The following MYO1B variants were observed in gnomAD, a reference collection of about 807,000 sequenced individuals.
MYO1B encodes myosin IB, also known as unconventional myosin-Ib.
MYO1B carries 72 observed loss-of-function variants against 159.7 expected under a neutral mutation model. The ratio of observed to expected loss-of-function variants is 0.45; its 90% CI spans 0.37 to 0.55. The LOEUF is 0.55. Among genes scored for constraint, MYO1B ranks in the 20% least tolerant of loss-of-function variants. MYO1B has a pLI of 0.00. For synonymous variants in MYO1B, 468 were observed against 473.8 expected (o/e 0.99, Z 0.16); for missense variants, 1,062 against 1,364.8 (o/e 0.78, Z 3.50).
chr2:191,335,992 G>A (rs11897799), intron 4 of MYO1B, among the ~76,000 whole-genome samples: 14,348 of 152,054 alleles, frequency 0.094, 2,216 homozygotes, highest in African/African-American at 0.33. Context: ...GTATTTTTAG[G>A]CATTGAACTC....
chr2:191,374,642 G>T (rs746428813), intron 13 of MYO1B, among the ~76,000 whole-genome samples: 3 of 152,156 alleles, frequency 2.0e-5, no homozygotes, highest in Non-Finnish European at 4.4e-5. Context: ...TGCCTGGCTG[G>T]CCACATGTGA....
In MYO1B at chr2:191,422,725, C is replaced by A. The variant is rs73057319; in HGVS notation, c.3288-1112C>A. Among the ~76,000 whole-genome samples, 1,418 of 152,222 alleles carry A rather than the reference C, an allele frequency of 9.3e-3. 25 individuals carry two copies. The highest frequency in any genetic ancestry group is 0.033 in the African/African-American group (1,351 of 41,528). The stretch of plus-strand genomic sequence containing the variant: ...AACTATGTAGGACATATGTGAGTAA[C>A]CAGTGTTTAGAAGCCATAGACTAGA... On this transcript the variant is annotated intron_variant, in intron 30 of 30. Transcript: ENST00000392318.
intron 13 of MYO1B, chr2:191,371,057 TG>T (rs1694332724): frequency 6.6e-6 from 1 of 152,244 alleles, no homozygotes. Context: ...ATTTCCTTTT[TG>T]CCCCCTTGCT....
chr2:191,424,297 G>C lies in MYO1B; in HGVS notation c.*337G>C. 1 of 218,834 alleles carries C rather than the reference G, an allele frequency of 4.6e-6. No individual in the cohort carries two copies. Among genetic ancestry groups the C allele is most frequent in the Non-Finnish European group, 9.0e-6 (1 of 110,868 alleles). 13.6% of individuals were successfully genotyped at this position (218,834 alleles called of 1,614,324 possible). A position where few individuals can be genotyped will look rare whatever the true frequency, so the allele number is the denominator to read the frequency against. ...ATAAGCATAGGAAATGGTCTTAAAAGATACTGCATTCATTCATCAGATATT... is the reference window on the plus strand; with the variant it reads ...ATAAGCATAGGAAATGGTCTTAAAACATACTGCATTCATTCATCAGATATT... On this transcript the variant is annotated 3_prime_UTR_variant, in exon 31 of 31. Coordinates refer to ENST00000392318, the MANE Select transcript of MYO1B (RefSeq NM_001130158.3).
intron 1 of MYO1B, among the ~76,000 whole-genome samples, chr2:191,271,576 A>C (rs552270606): frequency 6.6e-6 from 1 of 152,270 alleles, no homozygotes; most frequent in African/African-American, 2.4e-5. Flanking sequence ...TAATATTCTT[A>C]TTAATCATTG....
At position 191,362,617 on chromosome 2, in the gene MYO1B, T is replaced by C. The variant is rs192977213; in HGVS notation, c.765+246T>C. 1.2e-3 allele frequency among the ~76,000 whole-genome samples: 183 copies of C among 152,344 alleles called. 2 individuals are homozygous for C. Among genetic ancestry groups the C allele is most frequent in the Non-Finnish European group, 2.1e-3 (146 of 68,024 alleles). ...TTTATCATAAGGAGCTTTCTTATTCTATTATCCTGGGGTTTGACTCCTTTA... is the reference window on the plus strand; with the variant it reads ...TTTATCATAAGGAGCTTTCTTATTCCATTATCCTGGGGTTTGACTCCTTTA... On this transcript the variant is annotated intron_variant, in intron 9 of 30. Transcript: ENST00000392318.
chr2:191,390,306 A>G lies in MYO1B; in HGVS notation c.1796A>G (p.Asn599Ser), dbSNP rs373970831. Residue 599 changes from asparagine to serine, a missense_variant, in exon 18 of 31, where the codon AAT becomes AGT. This residue lies in a region of MYO1B where 609 missense variants were observed against 744.4 expected (regional missense o/e 0.82). Coordinates refer to ENST00000392318, the MANE Select transcript of MYO1B (RefSeq NM_001130158.3). ...TGATCTTTAAGGTGTATCAAACCGA[A>G]TGATAAAAAAGCAGCACACATCTTC... ...NPNYIRCIKP[N>S]DKKAAHIFNE... is the part of the protein sequence containing the mutation. 2.5e-6 allele frequency: 4 copies of G among 1,613,302 alleles called. No homozygotes were observed. The African/African-American group carries it at 5.3e-5, about 22-fold the overall frequency.
intron 5 of MYO1B, among the ~76,000 whole-genome samples, chr2:191,345,862 T>A (rs1197929712): frequency 6.6e-6 from 1 of 152,220 alleles, no homozygotes; most frequent in Non-Finnish European, 1.5e-5. Flanking sequence ...ATAAGTAATC[T>A]CTGAAATAAC....
At chr2:191,358,584 T>C (rs184370390) in intron 7 of MYO1B, among the ~76,000 whole-genome samples, 262 of 152,382 alleles carry the variant, frequency 1.7e-3, no homozygotes, top group African/African-American at 5.7e-3. Flanking sequence ...AACATTAGAC[T>C]GGCCAGTGTG....
chr2:191,411,156 G>A lies in MYO1B; in HGVS notation c.2857G>A (p.Ala953Thr). ...EASELFKDKK[A>T]LYPSSVGQPF... ...CAGTGAACTCTTCAAAGACAAGAAG[G>A]CTTTATACCCATCTAGGTATTATGG... Residue 953 changes from alanine (A) to threonine (T), a missense_variant, in exon 27 of 31, where the codon GCT becomes ACT. By Grantham distance (58) the Ala-to-Thr change is moderately conservative (BLOSUM62 0). This residue lies in a region of MYO1B where 609 missense variants were observed against 744.4 expected (regional missense o/e 0.82). Transcript: ENST00000392318. 1 of 1,598,694 alleles carries A rather than the reference G, an allele frequency of 6.3e-7. No homozygotes were observed. The highest frequency in any genetic ancestry group is 1.7e-5 in the Admixed American group (1 of 57,840).
intron 3 of MYO1B, among the ~76,000 whole-genome samples, chr2:191,298,680 G>A (rs12622194): frequency 0.53 from 80,441 of 151,952 alleles, 22,034 homozygotes; most frequent in East Asian, 0.65. Flanking sequence ...AATAATAAAA[G>A]TATTTATGGC....
intron 3 of MYO1B, among the ~76,000 whole-genome samples, chr2:191,308,391 G>A (rs1162326020): frequency 1.3e-5 from 2 of 152,168 alleles, no homozygotes; most frequent in African/African-American, 4.8e-5. Context: ...TATTGTTGGA[G>A]TTTCTGTATA....
intron 1 of MYO1B, among the ~76,000 whole-genome samples, chr2:191,259,230 C>T (rs181519157): frequency 1.7e-4 from 26 of 152,186 alleles, no homozygotes; most frequent in Admixed American, 4.6e-4. Flanking sequence ...GATCTCATGC[C>T]GTGGGCTGCA....
chr2:191,387,721 G>T, intron 17 of MYO1B: 1 of 450,180 alleles, frequency 2.2e-6, no homozygotes, highest in South Asian at 3.3e-5. Flanking sequence ...TCAACTTTCT[G>T]TATGTTTATT....
At chr2:191,417,120 GTCTAT>G (rs979502581) in intron 30 of MYO1B, among the ~76,000 whole-genome samples, 1 of 152,124 alleles carries the variant, frequency 6.6e-6, no homozygotes, top group Non-Finnish European at 1.5e-5. Context: ...GAATTTTCTA[GTCTAT>G]TCTGTTTCAA....
chr2:191,382,401 T>C (rs959220110), intron 14 of MYO1B, among the ~76,000 whole-genome samples: 1 of 152,180 alleles, frequency 6.6e-6, no homozygotes. Flanking sequence ...AAATCATAAA[T>C]ATTTCATCTT....
At position 191,400,857 on chromosome 2, in the gene MYO1B, A is replaced by G. The variant is rs776796670; in HGVS notation, c.2469+22A>G. The stretch of plus-strand genomic sequence containing the variant: ...TAAGGTACTTGATGCACATATCCCA[A>G]CACTCCATCCTGGAATTCTGCAATA... On this transcript the variant is annotated intron_variant, in intron 23 of 30. Coordinates refer to ENST00000392318, the MANE Select transcript of MYO1B (RefSeq NM_001130158.3). The G allele has an allele frequency of 6.2e-6, 10 of 1,607,404 alleles. No homozygotes were observed. In the East Asian group the frequency reaches 2.2e-4, roughly 36 times the overall value.
In MYO1B at chr2:191,364,230, T is replaced by C; in HGVS notation, c.986T>C (p.Val329Ala). The part of the protein sequence containing the change: ...VLERAFSFRT[V>A]EAKQEKVSTT... ...GAACGAGCATTCAGTTTCCGAACAG[T>C]TGAGGCCAAACAGGAGAAAGTTTCA... Residue 329 changes from valine to alanine, a missense_variant, in exon 11 of 31, where the codon GTT becomes GCT. Val to Ala is a moderately conservative substitution (Grantham distance 64). This residue lies in a region of MYO1B where 415 missense variants were observed against 544.0 expected (regional missense o/e 0.76). Transcript: ENST00000392318. 6.2e-7 allele frequency: 1 copy of C among 1,613,948 alleles called. No homozygotes were observed. Among genetic ancestry groups the C allele is most frequent in the Non-Finnish European group, 8.5e-7 (1 of 1,179,866 alleles).
chr2:191,316,737 T>C (rs1690375328), intron 3 of MYO1B, among the ~76,000 whole-genome samples: 1 of 152,206 alleles, frequency 6.6e-6, no homozygotes, highest in Non-Finnish European at 1.5e-5. Context: ...TATAGAAAGC[T>C]CCAGTGAGGG....
Sources: allele counts gnomAD v4.1 joint callset (sites outside exome capture counted in the v4.1 genomes callset), GRCh38; gene constraint gnomAD v4.1.1; regional missense constraint gnomAD v4.1.1; transcripts MANE v1.5; gene names NCBI Gene and HGNC (gene_info 2026-07-23, HGNC 2026-07-21).